The following DOCK2 variants were observed in gnomAD, a reference collection of about 807,000 sequenced individuals.
DOCK2 encodes the protein dedicator of cytokinesis 2.
Under a neutral mutation model 248.9 loss-of-function variants are expected in DOCK2, and 87 were observed. The observed-to-expected ratio is 0.35, with a 90% CI of 0.29 to 0.42. The LOEUF (loss-of-function observed/expected upper bound fraction) is 0.42. DOCK2 is among the 10% of genes least tolerant of loss of function. The probability of loss-of-function intolerance (pLI) is 1.00; values close to 1 mark genes in which losing one functional copy is unlikely to be tolerated. For missense variants in DOCK2, 1,747 were observed against 2,300.2 expected, an observed-to-expected ratio of 0.76 and a Z score of 4.92; for synonymous variants, 805 against 821.6, an observed-to-expected ratio of 0.98 and a Z score of 0.35.
At chr5:169,793,347 T>G (rs1035107998) in intron 25 of DOCK2, among the ~76,000 whole-genome samples, 1 of 152,204 alleles carries the variant, frequency 6.6e-6, no homozygotes, top group Non-Finnish European at 1.5e-5. Flanking sequence ...AGCTTTTGTC[T>G]TCTCTCCCCT....
At chr5:170,008,043 T>A (rs116140240) in intron 30 of DOCK2, among the ~76,000 whole-genome samples, 100 of 152,236 alleles carry the variant, frequency 6.6e-4, no homozygotes, top group Non-Finnish European at 1.0e-3. Flanking sequence ...AGCTGTCAGG[T>A]GAATTAGGGA....
intron 48 of DOCK2, 132 bp from the exon 49 acceptor site, chr5:170,078,843 G>T: frequency 1.1e-6 from 1 of 925,486 alleles, no homozygotes. Context: ...TGCCAGATTT[G>T]CTGATCTACT....
At chr5:169,937,711 G>A (rs1468716684) in intron 27 of DOCK2, among the ~76,000 whole-genome samples, 2 of 152,142 alleles carry the variant, frequency 1.3e-5, no homozygotes, top group African/African-American at 4.8e-5. Context: ...TTCTCATTTA[G>A]TAACACTTTT....
chr5:169,724,558 T>C (rs1212746089), intron 22 of DOCK2, among the ~76,000 whole-genome samples: 1 of 151,592 alleles, frequency 6.6e-6, no homozygotes, highest in Non-Finnish European at 1.5e-5. Flanking sequence ...TGCCCTGGTG[T>C]GCACAGTTCC....
intron 27 of DOCK2, among the ~76,000 whole-genome samples, chr5:169,848,695 A>G (rs1216173840): frequency 6.6e-6 from 1 of 152,180 alleles, no homozygotes; most frequent in Non-Finnish European, 1.5e-5. Context: ...TCTGGGTGAT[A>G]TATTTTGGGC....
At chr5:169,869,451 C>A (rs1328646888) in intron 27 of DOCK2, among the ~76,000 whole-genome samples, 1 of 152,166 alleles carries the variant, frequency 6.6e-6, no homozygotes, top group African/African-American at 2.4e-5. Flanking sequence ...TAGGCCAAAG[C>A]AATTTATTAA....
rs547162792 is a variant in DOCK2 at position 170,079,005 on chromosome 5, G to A, written c.5025G>A (p.Thr1675=). The change falls in exon 49 of 52, where the codon ACG becomes ACA. Residue 1675 remains threonine, a synonymous_variant. Transcript: ENST00000520908. ...SFDLELASPK[T]PRVEQEEPIS... The stretch of plus-strand genomic sequence containing the variant: ...ACCTGGAATTAGCATCACCCAAGAC[G>A]CCGAGAGTGGAGCAGGAGGAACCGA... 41 of 1,614,100 alleles carry A rather than the reference G, an allele frequency of 2.5e-5. No individual in the cohort carries two copies. The highest frequency in any genetic ancestry group is 1.6e-4 in the African/African-American group (12 of 75,042).
intron 26 of DOCK2, among the ~76,000 whole-genome samples, chr5:169,809,248 C>A (rs1484769538): frequency 6.6e-6 from 1 of 152,180 alleles, no homozygotes; most frequent in African/African-American, 2.4e-5. Flanking sequence ...ACCTCCACCT[C>A]CCAAAGTGCT....
intron 25 of DOCK2, 25 bp from the exon 26 acceptor site, chr5:169,803,033 C>G: frequency 1.2e-6 from 2 of 1,608,086 alleles, no homozygotes; most frequent in Non-Finnish European, 1.7e-6. Flanking sequence ...GAATTCTACA[C>G]TACTCTGAAC....
At chr5:169,928,485 C>T (rs1775584371) in intron 27 of DOCK2, among the ~76,000 whole-genome samples, 2 of 152,230 alleles carry the variant, frequency 1.3e-5, no homozygotes, top group African/African-American at 4.8e-5. Context: ...CCCCATGCAT[C>T]AGTGCTGCTG....
At chr5:169,832,181 A>G (rs1355485386) in intron 26 of DOCK2, among the ~76,000 whole-genome samples, 1 of 152,202 alleles carries the variant, frequency 6.6e-6, no homozygotes. Flanking sequence ...GTTAAATGAG[A>G]TTATGTCAAG....
intron 27 of DOCK2, among the ~76,000 whole-genome samples, chr5:169,935,760 C>A (rs576653936): frequency 2.0e-5 from 3 of 152,242 alleles, no homozygotes; most frequent in East Asian, 3.9e-4. Flanking sequence ...AGTACACTGA[C>A]TTCATAGGAG....
intron 22 of DOCK2, among the ~76,000 whole-genome samples, chr5:169,724,634 G>A (rs1312917344): frequency 2.0e-5 from 3 of 152,118 alleles, no homozygotes; most frequent in African/African-American, 7.2e-5. Flanking sequence ...TCGCAGCTCA[G>A]CGACGCCTCC....
intron 27 of DOCK2, among the ~76,000 whole-genome samples, chr5:169,908,713 CTTTTTTTTT>C (rs34261104): frequency 4.8e-5 from 5 of 105,048 alleles, no homozygotes; most frequent in Admixed American, 3.2e-4. Context: ...TTTCTTTTTT[CTTTTTTTTT>C]TTTTTTTTTT....
chr5:169,825,193 A>G (rs1228952646), intron 26 of DOCK2, among the ~76,000 whole-genome samples: 1 of 152,222 alleles, frequency 6.6e-6, no homozygotes. Flanking sequence ...TAGTTCAACC[A>G]TTGTGGAAGA....
rs867436787 is a variant in DOCK2, at chr5:169,710,072, T to C, written c.1482+1805T>C. 6.3e-4 allele frequency among the ~76,000 whole-genome samples: 96 copies of C among 152,326 alleles called. 1 individual carries two copies. In the Middle Eastern group the frequency reaches 0.01, roughly 16 times the overall value. ...ATATATTATGTTTCTCTTCATGAAA[T>C]ATCTAACTCAATTCTGAGGCCAGTC... On this transcript the variant is annotated intron_variant, in intron 15 of 51. Coordinates refer to ENST00000520908, the MANE Select transcript of DOCK2 (RefSeq NM_004946.3).
At chr5:170,020,451 A>G (rs981775728) in intron 33 of DOCK2, among the ~76,000 whole-genome samples, 1 of 149,092 alleles carries the variant, frequency 6.7e-6, no homozygotes, top group South Asian at 2.1e-4. Context: ...GCATCTAATG[A>G]TGATGATGAT....
intron 28 of DOCK2, 132 bp from the exon 29 acceptor site, chr5:169,985,696 T>A: frequency 3.7e-6 from 2 of 545,836 alleles, no homozygotes; most frequent in Non-Finnish European, 6.1e-6. Context: ...TCCATTTAAT[T>A]TAGTTAATGA....
intron 25 of DOCK2, among the ~76,000 whole-genome samples, chr5:169,766,767 T>A (rs1458081870): frequency 6.6e-6 from 1 of 152,192 alleles, no homozygotes; most frequent in African/African-American, 2.4e-5. Flanking sequence ...TTTGACTTTT[T>A]ATTTATTTAT....
Sources: gnomAD v4.1 joint callset for allele counts (sites outside exome capture counted in the v4.1 genomes callset) on GRCh38, gnomAD v4.1.1 for gene constraint, MANE v1.5 for transcripts, NCBI Gene and HGNC (gene_info 2026-07-23, HGNC 2026-07-21) for gene names.